The following HERC2 variants were observed in gnomAD, a reference collection of about 807,000 sequenced individuals.
HERC2 encodes HECT and RLD domain containing E3 ubiquitin protein ligase 2.
In HERC2, 102 loss-of-function variants were observed where a neutral mutation model predicts 537.7. That is an observed-to-expected ratio of 0.19 (90% CI 0.16 to 0.22). HERC2 has a LOEUF of 0.22. Among genes scored for constraint, HERC2 ranks in the 10% least tolerant of loss-of-function variants. The probability of loss-of-function intolerance (pLI) is 1.00; values close to 1 mark genes in which losing one functional copy is unlikely to be tolerated. For missense variants in HERC2, 4,236 were observed against 6,198.2 expected (o/e 0.68, Z 10.63); for synonymous variants, 2,224 against 2,466.2 (o/e 0.90, Z 2.91).
At chr15:28,208,784 C>G (rs1344910425) in intron 44 of HERC2, among the ~76,000 whole-genome samples, 2 of 152,210 alleles carry the variant, frequency 1.3e-5, no homozygotes, top group Non-Finnish European at 1.5e-5. Flanking sequence ...TCAAAGGCTG[C>G]CCGTCCAGTG....
chr15:28,121,281 C>G (rs1291755220), intron 86 of HERC2, 65 bp downstream of exon 86: 1 of 1,438,326 alleles, frequency 7.0e-7, no homozygotes, highest in African/African-American at 1.4e-5. Flanking sequence ...TCGTCCCAGC[C>G]CAGGTACCCA....
chr15:28,179,042 G>A lies in HERC2; in HGVS notation c.9020-12C>T. ...CCCTTCCACAGTCACTGCAAGGAACGACAGCCAGGAGAGGACTCTCTTTTC... is the reference window on the plus strand; with the variant it reads ...CCCTTCCACAGTCACTGCAAGGAACAACAGCCAGGAGAGGACTCTCTTTTC... On this transcript the variant is annotated splice_polypyrimidine_tract_variant and intron_variant, in intron 58 of 92. Coordinates refer to ENST00000261609, the MANE Select transcript of HERC2 (RefSeq NM_004667.6). The A allele has an allele frequency of 3.1e-6, 5 of 1,612,390 alleles. No homozygotes were observed. Among genetic ancestry groups the A allele is most frequent in the Middle Eastern group, 1.7e-4 (1 of 6,044 alleles).
At position 28,142,894 on chromosome 15, in the gene HERC2, C is replaced by T; in HGVS notation, c.11477G>A (p.Arg3826Lys). 6.3e-7 allele frequency: 1 copy of T among 1,599,068 alleles called. No individual in the cohort carries two copies. Residue 3826 changes from arginine to lysine, a missense_variant, in exon 75 of 93, where the codon AGG (arginine) becomes AAG (lysine). By Grantham distance (26) the Arg-to-Lys change is conservative. Coordinates refer to ENST00000261609, the MANE Select transcript of HERC2 (RefSeq NM_004667.6). ...AATAGGATCTTCATATTCAAACTGCCTTTGCAAAGCTTCTGGAAGACCTTT... is the reference window on the plus strand; with the variant it reads ...AATAGGATCTTCATATTCAAACTGCTTTTGCAAAGCTTCTGGAAGACCTTT... Reference protein sequence around the residue: ...LVKGLPEALQRQFEYEDPIVR... With the variant: ...LVKGLPEALQKQFEYEDPIVR...
At chr15:28,128,182 C>T (rs1342392736) in intron 83 of HERC2, among the ~76,000 whole-genome samples, 2 of 152,198 alleles carry the variant, frequency 1.3e-5, no homozygotes, top group Non-Finnish European at 2.9e-5. Flanking sequence ...GGAAGTGAAA[C>T]GATGATGCCA....
chr15:28,188,908 C>T (rs1896574102), intron 55 of HERC2, among the ~76,000 whole-genome samples: 1 of 151,926 alleles, frequency 6.6e-6, no homozygotes, highest in South Asian at 2.1e-4. Flanking sequence ...GCCAACATGA[C>T]AAAACCCCGT....
chr15:28,192,774 A>G (rs1243579744), intron 52 of HERC2, among the ~76,000 whole-genome samples: 1 of 152,184 alleles, frequency 6.6e-6, no homozygotes, highest in Non-Finnish European at 1.5e-5. Context: ...GAGACGACAC[A>G]TAGCATTTTG....
At chr15:28,252,926 G>A (rs1405243694) in intron 20 of HERC2, among the ~76,000 whole-genome samples, 1 of 152,176 alleles carries the variant, frequency 6.6e-6, no homozygotes, top group Non-Finnish European at 1.5e-5. Flanking sequence ...CCACACCACA[G>A]ACCCACCATG....
At chr15:28,225,552 G>A (rs1901042164) in intron 35 of HERC2, among the ~76,000 whole-genome samples, 1 of 151,824 alleles carries the variant, frequency 6.6e-6, no homozygotes, top group Non-Finnish European at 1.5e-5. Flanking sequence ...AAAAAAATTA[G>A]CTGGGCGTGG....
intron 20 of HERC2, among the ~76,000 whole-genome samples, chr15:28,248,984 A>G (rs1903997974): frequency 6.6e-6 from 1 of 152,230 alleles, no homozygotes; most frequent in Admixed American, 6.5e-5. Context: ...ATGTGCGCCT[A>G]TGGAGCTGCG....
At chr15:28,214,895 CAG>C in intron 39 of HERC2, 93 bp from the exon 40 acceptor site, 2 of 1,078,168 alleles carry the variant, frequency 1.9e-6, no homozygotes, top group Non-Finnish European at 1.3e-6. Context: ...TTTTTTGAGA[CAG>C]AGTCTCACAC....
At chr15:28,276,130 G>A (rs1596371984) in intron 5 of HERC2, among the ~76,000 whole-genome samples, 1 of 133,118 alleles carries the variant, frequency 7.5e-6, no homozygotes. Context: ...AGGTTGCAGT[G>A]AGCCAAGATC....
At chr15:28,134,912 A>G (rs747000569) in intron 79 of HERC2, among the ~76,000 whole-genome samples, 5 of 152,050 alleles carry the variant, frequency 3.3e-5, no homozygotes, top group Non-Finnish European at 5.9e-5. Context: ...AGTTCAAGCA[A>G]TCTGCCCACC....
At chr15:28,152,052 G>A (rs1892509365) in intron 70 of HERC2, among the ~76,000 whole-genome samples, 1 of 152,212 alleles carries the variant, frequency 6.6e-6, no homozygotes, top group African/African-American at 2.4e-5. Flanking sequence ...AGCAAAGACA[G>A]GCAGGCAGGA....
Position 28,229,577 on chromosome 15 carries a change from C to G in HERC2, c.5003G>C (p.Arg1668Pro), listed in dbSNP as rs1331443555. The G allele has an allele frequency of 6.2e-7, 1 of 1,612,392 alleles. No individual in the cohort carries two copies. The highest frequency in any genetic ancestry group is 8.5e-7 in the Non-Finnish European group (1 of 1,179,656). ...TAAAATTGTATCTATCCCTTCCAGG[C>G]GAACCTCTGCTCTCTCCAACTGCAA... ...LLKQLERAEV[R>P]LEGIDTILKL... is the part of the protein sequence containing the mutation. Residue 1668 changes from arginine to proline, a missense_variant, in exon 33 of 93, where the codon CGC becomes CCC. By Grantham distance (103) the Arg-to-Pro change is moderately radical (BLOSUM62 -2). Around this residue, in one of 27 missense-constraint regions of HERC2, gnomAD observed 343 missense variants for 417.2 expected, o/e 0.82. Coordinates refer to ENST00000261609, the MANE Select transcript of HERC2 (RefSeq NM_004667.6).
chr15:28,213,623 C>T, intron 42 of HERC2, 119 bp downstream of exon 42: 1 of 1,544,564 alleles, frequency 6.5e-7, no homozygotes, highest in Non-Finnish European at 8.7e-7. Flanking sequence ...CACACAGCTT[C>T]CTGGAAGGCA....
chr15:28,209,335 TTTTATTTTTATTTA>T (rs1311471337), intron 44 of HERC2, among the ~76,000 whole-genome samples: 1 of 152,090 alleles, frequency 6.6e-6, no homozygotes, highest in East Asian at 1.9e-4. Context: ...ATATCATTTA[TTTTATTTTTATTTA>T]TTTATTTTTT....
At chr15:28,166,623 T>C (rs746034716) in intron 68 of HERC2, among the ~76,000 whole-genome samples, 2 of 152,162 alleles carry the variant, frequency 1.3e-5, no homozygotes, top group Admixed American at 1.3e-4. Context: ...TAGAGCACAG[T>C]TGTGCCAGAA....
At chr15:28,135,783 A>G in intron 78 of HERC2, 91 bp from the exon 79 acceptor site, 1 of 897,340 alleles carries the variant, frequency 1.1e-6, no homozygotes, top group Non-Finnish European at 1.7e-6. Context: ...TGCTTTAGAC[A>G]TTTTTACCAC....
Position 28,217,172 on chromosome 15 carries a change from A to G in HERC2, c.6028+1317T>C, listed in dbSNP as rs573901102. 5.0e-4 allele frequency among the ~76,000 whole-genome samples: 76 copies of G among 152,270 alleles called. No homozygotes were observed. In the East Asian group the frequency reaches 0.01, roughly 20 times the overall value. On this transcript the variant is annotated intron_variant, in intron 38 of 92. Transcript: ENST00000261609. ...AACCCTCACTGACTTACACTGACTT[A>G]CACTTACACTGGGTGTCTCATTCGC...
Sources: gnomAD v4.1 joint callset for allele counts (sites outside exome capture counted in the v4.1 genomes callset) on GRCh38, gnomAD v4.1.1 for gene constraint, gnomAD v4.1.1 regional missense constraint, MANE v1.5 for transcripts, NCBI Gene and HGNC (gene_info 2026-07-23, HGNC 2026-07-21) for gene names.